Variants in SLC25A20 observed in about 807,000 individuals in gnomAD.
SLC25A20 encodes the protein solute carrier family 25 member 20.
In SLC25A20, 29 loss-of-function variants were observed where a neutral mutation model predicts 39.7. That is an observed-to-expected ratio of 0.73 (90% CI 0.54 to 1.00). The LOEUF (loss-of-function observed/expected upper bound fraction) is 1.00, where lower values mean the gene tolerates loss of function less well. Ranked by LOEUF, SLC25A20 falls within the 50% of genes least tolerant of loss-of-function variation. The probability of loss-of-function intolerance (pLI) is 0.00; values close to 1 mark genes in which losing one functional copy is unlikely to be tolerated. For synonymous variants in SLC25A20, 103 were observed against 142.2 expected (o/e 0.72, Z 1.96); for missense variants, 333 against 379.9 (o/e 0.88, Z 1.03).
chr3:48,858,599 C>T lies in SLC25A20; in HGVS notation c.751G>A (p.Asp251Asn). 1 of 1,614,200 alleles carries T rather than the reference C, an allele frequency of 6.2e-7. No homozygotes were observed. Among genetic ancestry groups the T allele is most frequent in the Non-Finnish European group, 8.5e-7 (1 of 1,180,026 alleles). ...PPGKYPNGFR[D>N]VLRELIRDEG... is the part of the protein sequence containing the mutation. Reference sequence around the variant, plus strand: ...TCCCGGATCAGCTCCCTCAGCACATCTCTGAAACCATTAGGATATTTCCCA... The same window carrying T: ...TCCCGGATCAGCTCCCTCAGCACATTTCTGAAACCATTAGGATATTTCCCA... The change falls in exon 8 of 9, where the codon GAT becomes AAT. Residue 251 changes from aspartate to asparagine, a missense_variant. Transcript: ENST00000319017.
Position 48,857,597 on chromosome 3 carries a change from G to T in SLC25A20, c.*113C>A. 1.1e-6 allele frequency: 1 copy of T among 928,828 alleles called. No homozygotes were observed. 57.5% of individuals were successfully genotyped at this position (928,828 alleles called of 1,614,324 possible). Reference sequence around the variant, plus strand: ...TCACCAAGTCCATGCACAGGGCTCGGATCTCACCATTCCCCTCCCCTTGCC... The same window carrying T: ...TCACCAAGTCCATGCACAGGGCTCGTATCTCACCATTCCCCTCCCCTTGCC... On this transcript the variant is annotated 3_prime_UTR_variant, in exon 9 of 9. Transcript: ENST00000319017.
intron 4 of SLC25A20, among the ~76,000 whole-genome samples, chr3:48,871,637 C>T (rs181091880): frequency 1.1e-4 from 16 of 151,850 alleles, no homozygotes; most frequent in Admixed American, 2.6e-4. Flanking sequence ...CATGGTGGCG[C>T]GTGCCTGTAA....
In SLC25A20 at chr3:48,857,893, C is replaced by T. The variant is rs2083592340; in HGVS notation, c.844-121G>A. 1.0e-5 allele frequency: 8 copies of T among 792,578 alleles called. No homozygotes were observed. In the Admixed American group the frequency reaches 1.7e-4, roughly 17 times the overall value. The allele number at this position is 792,578 out of a possible 1,614,324, so 49.1% of individuals were successfully genotyped here. On this transcript the variant is annotated intron_variant, in intron 8 of 8. Transcript: ENST00000319017. ...GCCCCTCCCTAACCCCACACCCACT[C>T]CACATCAAGGATGCAAGCTCTACTC...
chr3:48,869,053 G>A (rs1022077788), intron 4 of SLC25A20, among the ~76,000 whole-genome samples: 2 of 152,144 alleles, frequency 1.3e-5, no homozygotes, highest in African/African-American at 4.8e-5. Flanking sequence ...CCCATCGTCA[G>A]GTGTCAACAG....
intron 5 of SLC25A20, among the ~76,000 whole-genome samples, chr3:48,859,974 CTGGCCAATA>C (rs2083611762): frequency 6.6e-6 from 1 of 152,060 alleles, no homozygotes. Flanking sequence ...CGAGACCAGT[CTGGCCAATA>C]TGGCGAAAGC....
At chr3:48,860,751 G>A (rs2083620143) in intron 5 of SLC25A20, among the ~76,000 whole-genome samples, 2 of 150,538 alleles carry the variant, frequency 1.3e-5, no homozygotes, top group South Asian at 2.1e-4. Flanking sequence ...TCACACTAAT[G>A]CACTCCTGGC....
At position 48,858,630 on chromosome 3, in the gene SLC25A20, T is replaced by TGCTGTGGG; in HGVS notation, c.719-7_719dup (p.Pro242GlnfsTer15). 6.2e-7 allele frequency: 1 copy of TGCTGTGGG among 1,613,902 alleles called. No individual in the cohort carries two copies. Among genetic ancestry groups the TGCTGTGGG allele is most frequent in the East Asian group, 2.2e-5 (1 of 44,874 alleles). On this transcript the variant is annotated frameshift_variant and splice_region_variant, in exon 8 of 9. Transcript: ENST00000319017. LOFTEE classifies it high-confidence loss of function. ...AACCATTAGGATATTTCCCAGGAGG[T>TGCTGTGGG]GCTGTGGGGCAGAACCCAATTTTTA...
chr3:48,867,723 A>G (rs918264098), intron 4 of SLC25A20, among the ~76,000 whole-genome samples: 16 of 151,642 alleles, frequency 1.1e-4, no homozygotes, highest in African/African-American at 1.2e-4. Context: ...CCAGTGCACA[A>G]AGAGGCCTGG....
intron 4 of SLC25A20, among the ~76,000 whole-genome samples, chr3:48,869,649 A>G (rs2083699405): frequency 6.6e-6 from 1 of 152,016 alleles, no homozygotes; most frequent in African/African-American, 2.4e-5. Flanking sequence ...ATTAAGCAAG[A>G]CCCCATTTCT....
At chr3:48,873,170 G>A (rs2083729406) in intron 4 of SLC25A20, among the ~76,000 whole-genome samples, 1 of 152,058 alleles carries the variant, frequency 6.6e-6, no homozygotes, top group South Asian at 2.1e-4. Flanking sequence ...GTTGTAATGG[G>A]CCAAGATCAC....
At chr3:48,883,633 T>TC (rs1345278937) in intron 3 of SLC25A20, among the ~76,000 whole-genome samples, 13 of 147,282 alleles carry the variant, frequency 8.8e-5, no homozygotes, top group East Asian at 2.0e-4. Flanking sequence ...TTTTTTTTTT[T>TC]TTTTTGAGAT....
chr3:48,868,606 G>C (rs2083689305), intron 4 of SLC25A20, among the ~76,000 whole-genome samples: 1 of 152,132 alleles, frequency 6.6e-6, no homozygotes, highest in African/African-American at 2.4e-5. Context: ...CCCTGCATAT[G>C]TCAGCTGAAA....
At chr3:48,876,532 T>C (rs2083758466) in intron 4 of SLC25A20, among the ~76,000 whole-genome samples, 1 of 139,214 alleles carries the variant, frequency 7.2e-6, no homozygotes, top group South Asian at 2.3e-4. Flanking sequence ...TTCAAGTGAT[T>C]CTCCTGCCTC....
chr3:48,861,673 G>C (rs1575979181), intron 5 of SLC25A20, among the ~76,000 whole-genome samples: 2 of 152,264 alleles, frequency 1.3e-5, no homozygotes, highest in Middle Eastern at 6.8e-3. Flanking sequence ...GTTGCAGTGA[G>C]CTGAGAATGC....
chr3:48,890,004 C>A (rs1469536613), intron 2 of SLC25A20, among the ~76,000 whole-genome samples: 2 of 152,124 alleles, frequency 1.3e-5, no homozygotes, highest in African/African-American at 4.8e-5. Flanking sequence ...TGGGAAGGCA[C>A]CCGTTACTTA....
At chr3:48,878,271 AAAATAT>A (rs1163343448) in intron 4 of SLC25A20, among the ~76,000 whole-genome samples, 6 of 77,826 alleles carry the variant, frequency 7.7e-5, no homozygotes, top group Admixed American at 1.6e-4. Flanking sequence ...ACAAAAAAAA[AAAATAT>A]ATATATATAT....
chr3:48,878,276 ATAT>A (rs1559668676), intron 4 of SLC25A20, among the ~76,000 whole-genome samples: 68,053 of 112,918 alleles, frequency 0.6, 19,328 homozygotes, highest in South Asian at 0.8. Flanking sequence ...AAAAAAAAAT[ATAT>A]ATATATATAT....
In SLC25A20 at chr3:48,863,761, A is replaced by C. The variant is rs371046212; in HGVS notation, c.418-1102T>G. Among the ~76,000 whole-genome samples the C allele has an allele frequency of 3.3e-4, 50 of 152,328 alleles. No homozygotes were observed. The South Asian group carries it at 0.01, about 31-fold the overall frequency. On this transcript the variant is annotated intron_variant, in intron 4 of 8. Transcript: ENST00000319017. The stretch of plus-strand genomic sequence containing the variant: ...GCCGGGCACGGTGGCTCACACCTGT[A>C]ATCCCAGCACTTTGGGAGGCTGAGG...
In SLC25A20 at chr3:48,898,753, C is replaced by T. The variant is rs766551925; in HGVS notation, c.42G>A (p.Leu14=). ...QPKPISPLKN[L]LAGGFGGVCL... is the part of the protein sequence containing the mutation. Reference sequence around the variant, plus strand: ...ACACGCCGCCAAAGCCGCCGGCCAGCAGGTTCTTGAGCGGGCTGATGGGTT... The same window carrying T: ...ACACGCCGCCAAAGCCGCCGGCCAGTAGGTTCTTGAGCGGGCTGATGGGTT... The change falls in exon 1 of 9, where the codon CTG becomes CTA. Residue 14 remains leucine (L), a synonymous_variant. Coordinates refer to ENST00000319017, the MANE Select transcript of SLC25A20 (RefSeq NM_000387.6). The T allele has an allele frequency of 6.2e-7, 1 of 1,606,586 alleles. No homozygotes were observed. The highest frequency in any genetic ancestry group is 1.1e-5 in the South Asian group (1 of 89,760).
Sources: gnomAD v4.1 joint callset for allele counts (sites outside exome capture counted in the v4.1 genomes callset) on GRCh38, gnomAD v4.1.1 for gene constraint, MANE v1.5 for transcripts, NCBI Gene and HGNC (gene_info 2026-07-23, HGNC 2026-07-21) for gene names.